Variants in LUZP1 observed in about 807,000 individuals in gnomAD.
LUZP1 encodes the protein filamin mechanobinding actin cross-linking protein.
In LUZP1, 25 loss-of-function variants were observed where a neutral mutation model predicts 71.3. The observed-to-expected ratio is 0.35, with a 90% CI of 0.26 to 0.49. The LOEUF is 0.49. Among genes scored for constraint, LUZP1 ranks in the 20% least tolerant of loss-of-function variants. The pLI is 0.99. For missense variants in LUZP1, 1,142 were observed against 1,300.8 expected, an observed-to-expected ratio of 0.88 and a Z score of 1.88; for synonymous variants, 481 against 506.4, an observed-to-expected ratio of 0.95 and a Z score of 0.67.
chr1:23,170,336 G>C (rs1007120688), intron 1 of LUZP1, among the ~76,000 whole-genome samples: 1 of 151,932 alleles, frequency 6.6e-6, no homozygotes, highest in Non-Finnish European at 1.5e-5. Flanking sequence ...TATAAAATGG[G>C]GATAATAATA....
intron 2 of LUZP1, among the ~76,000 whole-genome samples, chr1:23,124,919 T>C (rs762096471): frequency 6.6e-6 from 1 of 152,150 alleles, no homozygotes; most frequent in Non-Finnish European, 1.5e-5. Context: ...TGACCTAACC[T>C]TGACAGGAGC....
At chr1:23,159,591 A>AT (rs2148202447) in intron 2 of LUZP1, among the ~76,000 whole-genome samples, 1 of 152,340 alleles carries the variant, frequency 6.6e-6, no homozygotes, top group Admixed American at 6.5e-5. Context: ...AGCTTGAAAC[A>AT]TGATAGGTAC....
chr1:23,113,837 G>A (rs1644055464), intron 2 of LUZP1, among the ~76,000 whole-genome samples: 1 of 150,458 alleles, frequency 6.6e-6, no homozygotes, highest in Admixed American at 6.6e-5. Flanking sequence ...CCGAGATTCA[G>A]CTACTGCACT....
chr1:23,132,104 C>T (rs966216177), intron 2 of LUZP1, among the ~76,000 whole-genome samples: 3 of 152,202 alleles, frequency 2.0e-5, no homozygotes, highest in African/African-American at 7.2e-5. Flanking sequence ...GCACTGAAAT[C>T]ACCAAATAAC....
At chr1:23,089,220 A>G (rs1171445217) in intron 4 of LUZP1, among the ~76,000 whole-genome samples, 167 bp from the exon 4 acceptor site, 1 of 152,182 alleles carries the variant, frequency 6.6e-6, no homozygotes, top group African/African-American at 2.4e-5. Flanking sequence ...GTATGGGCCA[A>G]TATGTAAATT....
At chr1:23,089,088 G>A (rs371693262) in intron 4 of LUZP1, 35 bp from the exon 4 acceptor site, 151 of 1,606,696 alleles carry the variant, frequency 9.4e-5, no homozygotes, top group Non-Finnish European at 1.2e-4. Context: ...AGCTGTGGAG[G>A]TCAGTAAAGT....
intron 2 of LUZP1, among the ~76,000 whole-genome samples, chr1:23,163,155 G>A (rs879471893): frequency 2.7e-5 from 4 of 148,322 alleles, no homozygotes; most frequent in East Asian, 2.1e-4. Context: ...GAGAAGAATC[G>A]TTTGAACCCG....
chr1:23,094,485 T>C lies in LUZP1; in HGVS notation c.-119-105A>G, dbSNP rs149649487. The C allele has an allele frequency of 8.0e-4, 572 of 713,166 alleles. 5 individuals carry two copies. In the African/African-American group the frequency reaches 9.1e-3, roughly 11 times the overall value. 44.2% of individuals were successfully genotyped at this position (713,166 alleles called of 1,614,324 possible). On this transcript the variant is annotated intron_variant, in intron 3 of 4. Transcript: ENST00000302291. This position sits in a 1 kb window ranked among gnomAD's most constrained non-coding sequence, Gnocchi z 4.7. Reference sequence around the variant, plus strand: ...CTATCTGTTCCTGGTGCCTGGATCATAGCAGGGGCTCAAACCTGTTGAATG... The same window carrying C: ...CTATCTGTTCCTGGTGCCTGGATCACAGCAGGGGCTCAAACCTGTTGAATG...
intron 2 of LUZP1, among the ~76,000 whole-genome samples, chr1:23,131,909 C>T (rs1381150739): frequency 6.6e-6 from 1 of 152,332 alleles, no homozygotes; most frequent in East Asian, 1.9e-4. Context: ...TAGTCTCGAA[C>T]TCCTGACCTC....
intron 3 of LUZP1, among the ~76,000 whole-genome samples, chr1:23,103,778 A>G (rs1643950722): frequency 6.8e-6 from 1 of 148,010 alleles, no homozygotes. Context: ...AACAGTGCCT[A>G]GTACATAAAG....
At chr1:23,152,847 T>C (rs1644394810) in intron 2 of LUZP1, among the ~76,000 whole-genome samples, 1 of 152,148 alleles carries the variant, frequency 6.6e-6, no homozygotes, top group South Asian at 2.1e-4. Flanking sequence ...ACCAGTTTCA[T>C]AAGCTTAAGA....
exon 5 of LUZP1, chr1:23,085,146 G>A (rs559377682): frequency 6.6e-5 from 10 of 152,588 alleles, no homozygotes; most frequent in African/African-American, 2.4e-4. Context: ...CCCATGCTTG[G>A]AGCTGCTGCA....
intron 1 of LUZP1, among the ~76,000 whole-genome samples, chr1:23,175,499 G>A (rs1255918073): frequency 6.6e-6 from 1 of 152,100 alleles, no homozygotes; most frequent in African/African-American, 2.4e-5. Flanking sequence ...TCCCCCATTA[G>A]CGCAATTAGG....
chr1:23,097,101 T>C (rs1186290762), intron 3 of LUZP1, among the ~76,000 whole-genome samples: 1 of 152,144 alleles, frequency 6.6e-6, no homozygotes, highest in Non-Finnish European at 1.5e-5. Flanking sequence ...TGCTGTTTCC[T>C]CACAGGGAAG....
At chr1:23,091,707 G>A (rs764099162) in exon 4 of LUZP1, 9 of 1,613,962 alleles carry the variant, frequency 5.6e-6, no homozygotes, top group South Asian at 5.5e-5. Context: ...AAGCTGCAGG[G>A]TGATGTCATG....
chr1:23,098,025 T>C (rs1347356125), intron 3 of LUZP1, among the ~76,000 whole-genome samples: 2 of 152,190 alleles, frequency 1.3e-5, no homozygotes, highest in African/African-American at 2.4e-5. Flanking sequence ...GTATATTAGA[T>C]GTATAAGGGC....
intron 2 of LUZP1, among the ~76,000 whole-genome samples, chr1:23,141,452 G>C (rs1644302744): frequency 6.6e-6 from 1 of 152,174 alleles, no homozygotes; most frequent in Admixed American, 6.5e-5. Flanking sequence ...GAGCTGATGA[G>C]GGGAGCAAGC....
At chr1:23,131,742 G>A (rs1163242209) in intron 2 of LUZP1, among the ~76,000 whole-genome samples, 1 of 152,152 alleles carries the variant, frequency 6.6e-6, no homozygotes, top group Admixed American at 6.5e-5. Context: ...CTGGAGTACA[G>A]TGGCGTGATC....
At chr1:23,160,077 TAA>T (rs992320810) in intron 2 of LUZP1, among the ~76,000 whole-genome samples, 2 of 152,214 alleles carry the variant, frequency 1.3e-5, no homozygotes, top group Admixed American at 1.3e-4. Context: ...ATCACTGATT[TAA>T]AATACACAGT....
Sources: allele counts gnomAD v4.1 joint callset (sites outside exome capture counted in the v4.1 genomes callset), GRCh38; gene constraint gnomAD v4.1.1; non-coding constraint Gnocchi (gnomAD v3.1); transcripts MANE v1.5; gene names NCBI Gene and HGNC (gene_info 2026-07-23, HGNC 2026-07-21).